Variants in EML6 observed in about 807,000 individuals in gnomAD.
The protein encoded by EML6 is EMAP like 6, also known as echinoderm microtubule-associated protein-like 6.
Under a neutral mutation model 240.1 loss-of-function variants are expected in EML6, and 154 were observed. That is an observed-to-expected ratio of 0.64 (90% CI 0.56 to 0.73). EML6 has a LOEUF of 0.73. Ranked by LOEUF, EML6 falls within the 30% of genes least tolerant of loss-of-function variation. The pLI is 0.00. For missense variants in EML6, 2,964 were observed against 2,474.6 expected, an observed-to-expected ratio of 1.20 and a Z score of -4.20; for synonymous variants, 1,148 against 899.0, an observed-to-expected ratio of 1.28 and a Z score of -4.95.
chr2:54,957,663 A>G (rs1676293534), intron 32 of EML6, 127 bp from the exon 33 acceptor site: 2 of 783,002 alleles, frequency 2.6e-6, no homozygotes, highest in Non-Finnish European at 4.2e-6. Flanking sequence ...TGAAGGGGAG[A>G]GAGTGCTGTA....
At chr2:54,803,244 C>G (rs1022416746) in intron 2 of EML6, among the ~76,000 whole-genome samples, 2 of 152,092 alleles carry the variant, frequency 1.3e-5, no homozygotes, top group African/African-American at 4.8e-5. Context: ...CAGGAAGTGC[C>G]CTTGGAAGCA....
At chr2:54,936,808 T>A (rs1675156318) in intron 28 of EML6, among the ~76,000 whole-genome samples, 1 of 152,132 alleles carries the variant, frequency 6.6e-6, no homozygotes, top group Non-Finnish European at 1.5e-5. Context: ...TGAAAAGAGG[T>A]TTAACTGCTC....
At chr2:54,802,870 A>T (rs1572922271) in intron 2 of EML6, among the ~76,000 whole-genome samples, 1 of 152,122 alleles carries the variant, frequency 6.6e-6, no homozygotes, top group East Asian at 1.9e-4. Flanking sequence ...GGAATCTTAA[A>T]AAGGTTTTAA....
In EML6 at chr2:54,866,777, A is replaced by T. The variant is rs1478263976; in HGVS notation, c.1944A>T (p.Glu648Asp). The change falls in exon 14 of 42, where the codon GAA (glutamate) becomes GAT (aspartate). Residue 648 changes from glutamate to aspartate, a missense_variant. Glu to Asp is a conservative substitution (Grantham distance 45). Coordinates refer to ENST00000356458, the MANE Select transcript of EML6 (RefSeq NM_001039753.4). ...TGTTGTACTTTAAGGTTTACAAAGA[A>T]GATCTACCTCAGCTAAAGCAACAAA... ...QINYDRQVYK[E>D]DLPQLKQQSK... The T allele has an allele frequency of 6.5e-7, 1 of 1,549,312 alleles. No homozygotes were observed. The highest frequency in any genetic ancestry group is 8.7e-7 in the Non-Finnish European group (1 of 1,144,958).
intron 26 of EML6, 146 bp from the exon 27 acceptor site, chr2:54,928,167 C>T: frequency 1.4e-6 from 1 of 691,916 alleles, no homozygotes; most frequent in South Asian, 1.7e-5. Context: ...CTAGTGCCTG[C>T]CCACATGGAG....
chr2:54,970,561 C>G lies in EML6; in HGVS notation c.*466C>G, dbSNP rs891087206. On this transcript the variant is annotated 3_prime_UTR_variant, in exon 42 of 42. Coordinates refer to ENST00000356458, the MANE Select transcript of EML6 (RefSeq NM_001039753.4). The stretch of plus-strand genomic sequence containing the variant: ...AGCCTAAGTTAGATGCACCGAAGTA[C>G]TAGAAATATCGCTAGCCTCTGTTCT... 1.1e-4 allele frequency: 18 copies of G among 160,660 alleles called. No homozygotes were observed. Among genetic ancestry groups the G allele is most frequent in the Admixed American group, 1.1e-3 (18 of 16,790 alleles). 10.0% of individuals were successfully genotyped at this position (160,660 alleles called of 1,614,324 possible).
chr2:54,911,995 T>C (rs909946205), intron 25 of EML6, among the ~76,000 whole-genome samples: 2 of 152,222 alleles, frequency 1.3e-5, no homozygotes, highest in South Asian at 2.1e-4. Flanking sequence ...TGAGGAAATA[T>C]TGCTTCCTTA....
intron 38 of EML6, among the ~76,000 whole-genome samples, chr2:54,965,421 TG>T (rs1362159900): frequency 6.6e-6 from 1 of 152,224 alleles, no homozygotes; most frequent in Admixed American, 6.5e-5. Context: ...GGGTTCACCT[TG>T]CCGGCTGCCT....
chr2:54,928,336 G>A lies in EML6; in HGVS notation c.3699G>A (p.Lys1233=), dbSNP rs374245690. The change falls in exon 27 of 42, where the codon AAG becomes AAA. Residue 1233 remains lysine, a synonymous_variant. Coordinates refer to ENST00000356458, the MANE Select transcript of EML6 (RefSeq NM_001039753.4). ...PVKGQHARFK[K]YVGHSAHVTN... The stretch of plus-strand genomic sequence containing the variant: ...AGGGACAGCACGCAAGATTCAAGAA[G>A]TATGTGGGGCACAGTGCACATGTCA... 61 of 1,552,106 alleles carry A rather than the reference G, an allele frequency of 3.9e-5. No homozygotes were observed. The highest frequency in any genetic ancestry group is 2.1e-4 in the South Asian group (18 of 84,050).
At chr2:54,860,967 A>C (rs1360524370) in intron 12 of EML6, among the ~76,000 whole-genome samples, 1 of 152,186 alleles carries the variant, frequency 6.6e-6, no homozygotes, top group African/African-American at 2.4e-5. Context: ...ATGTGGTCTT[A>C]AATGGGTTTA....
chr2:54,923,364 A>AACGC (rs1288128002), intron 26 of EML6, among the ~76,000 whole-genome samples: 1 of 52,858 alleles, frequency 1.9e-5, no homozygotes, highest in Admixed American at 2.4e-4. Context: ...GTCCTCACCA[A>AACGC]ACGCACACAC....
At chr2:54,775,205 T>G (rs1480844900) in intron 2 of EML6, among the ~76,000 whole-genome samples, 1 of 152,224 alleles carries the variant, frequency 6.6e-6, no homozygotes, top group Non-Finnish European at 1.5e-5. Flanking sequence ...CCTTTTACTC[T>G]CAACCCTTGC....
rs1200812527 is a variant in EML6, at chr2:54,725,295, G to C, written c.197+37G>C. 7 of 1,375,308 alleles carry C rather than the reference G, an allele frequency of 5.1e-6. No homozygotes were observed. Among genetic ancestry groups the C allele is most frequent in the Non-Finnish European group, 6.7e-6 (7 of 1,047,012 alleles). The allele number at this position is 1,375,308 out of a possible 1,614,324, so 85.2% of individuals were successfully genotyped here. A position where few individuals can be genotyped will look rare whatever the true frequency, so the allele number is the denominator to read the frequency against. On this transcript the variant is annotated intron_variant, in intron 2 of 41. Transcript: ENST00000356458. The surrounding 1 kb of genome is among the most constrained non-coding windows in gnomAD (Gnocchi z 4.3). ...GCCAGGGGCGGCGGGGAGGGGTTGC[G>C]TGTGGAGGCTGGGAAGGTGGGAAGC...
At chr2:54,964,541 T>A in intron 37 of EML6, 30 bp from the exon 38 acceptor site, 1 of 1,550,880 alleles carries the variant, frequency 6.4e-7, no homozygotes, top group East Asian at 2.4e-5. Context: ...GCCCTCCTCA[T>A]GGACTCTGCT....
chr2:54,971,882 G>GCACCA lies in EML6; in HGVS notation c.*1787_*1788insCACCA. On this transcript the variant is annotated 3_prime_UTR_variant, in exon 42 of 42. Coordinates refer to ENST00000356458, the MANE Select transcript of EML6 (RefSeq NM_001039753.4). ...TTATTTGTAAACGTTTATATGGTAT[G>GCACCA]ATTTTGATTTTATGTATGTTCATAA... is the stretch of plus-strand genomic sequence containing the variant. The GCACCA allele has an allele frequency of 6.6e-6, 1 of 152,180 alleles. No homozygotes were observed. Among genetic ancestry groups the GCACCA allele is most frequent in the Non-Finnish European group, 1.5e-5 (1 of 68,024 alleles). The allele number at this position is 152,180 out of a possible 1,614,324, so 9.4% of individuals were successfully genotyped here. A position where few individuals can be genotyped will look rare whatever the true frequency, so the allele number is the denominator to read the frequency against.
intron 2 of EML6, among the ~76,000 whole-genome samples, chr2:54,789,943 G>C (rs1344990290): frequency 6.6e-6 from 1 of 152,190 alleles, no homozygotes. Context: ...AAATGAGAAT[G>C]AGCTTCATGG....
intron 2 of EML6, among the ~76,000 whole-genome samples, chr2:54,795,572 C>T (rs1558554985): frequency 1.3e-5 from 2 of 152,158 alleles, no homozygotes; most frequent in Non-Finnish European, 2.9e-5. Context: ...CATGGTGTAG[C>T]ATCCTGCCAC....
At chr2:54,875,699 G>C (rs1281289652) in intron 16 of EML6, among the ~76,000 whole-genome samples, 1 of 152,200 alleles carries the variant, frequency 6.6e-6, no homozygotes, top group Non-Finnish European at 1.5e-5. Flanking sequence ...AAGAAGGAAT[G>C]AATTTATATT....
intron 26 of EML6, among the ~76,000 whole-genome samples, chr2:54,919,290 A>G (rs956371706): frequency 1.5e-5 from 2 of 130,794 alleles, no homozygotes; most frequent in Admixed American, 1.6e-4. Flanking sequence ...TGTCTTTAGC[A>G]TTCCAGAAAC....
Sources: gnomAD v4.1 joint callset for allele counts (sites outside exome capture counted in the v4.1 genomes callset) on GRCh38, gnomAD v4.1.1 for gene constraint, Gnocchi (gnomAD v3.1) non-coding constraint, MANE v1.5 for transcripts, NCBI Gene and HGNC (gene_info 2026-07-23, HGNC 2026-07-21) for gene names.